Variants in DLG1 observed in about 807,000 individuals in gnomAD.
DLG1 encodes the protein discs large MAGUK scaffold protein 1.
A neutral mutation model predicts 123.4 loss-of-function variants in DLG1; 42 were observed. That is an observed-to-expected ratio of 0.34 (90% confidence interval 0.27 to 0.44). The LOEUF (loss-of-function observed/expected upper bound fraction) is 0.44, where lower values mean the gene tolerates loss of function less well. DLG1 is among the 20% of genes least tolerant of loss of function. The pLI is 1.00. For synonymous variants in DLG1, 317 were observed against 356.2 expected (o/e 0.89, Z 1.24); for missense variants, 942 against 1,082.6 (o/e 0.87, Z 1.82).
chr3:197,293,519 T>C (rs901587628), intron 3 of DLG1, among the ~76,000 whole-genome samples: 1 of 152,160 alleles, frequency 6.6e-6, no homozygotes, highest in Non-Finnish European at 1.5e-5. Context: ...AGTTGGTATT[T>C]TAGAACAAAT....
At position 197,136,552 on chromosome 3, in the gene DLG1, T is replaced by G. The variant is rs1287689935; in HGVS notation, c.1010A>C (p.Lys337Thr). 2 of 1,609,082 alleles carry G rather than the reference T, an allele frequency of 1.2e-6. No homozygotes were observed. The highest frequency in any genetic ancestry group is 2.7e-5 in the African/African-American group (2 of 74,648). The stretch of plus-strand genomic sequence containing the variant: ...ATTTCTTATACTTACTGCTAAAAGT[T>G]TATCTCCAATCTGAAGTTTGCCATC... ...HKDGKLQIGD[K>T]LLAVNNVCLE... Residue 337 changes from lysine to threonine, a missense_variant, in exon 10 of 25, where the codon AAA becomes ACA. Transcript: ENST00000667157.
At chr3:197,213,753 G>A (rs1732524721) in intron 4 of DLG1, among the ~76,000 whole-genome samples, 1 of 152,104 alleles carries the variant, frequency 6.6e-6, no homozygotes, top group African/African-American at 2.4e-5. Context: ...CTTGGATAAA[G>A]GCTCATTATT....
chr3:197,044,798 A>G lies in DLG1; in HGVS notation c.2576-69T>C. ...ATTTTTGCCATTACAATTATTGATG[A>G]AATAGTAGAAGCTAGTATCTTTGAA... On this transcript the variant is annotated intron_variant, in intron 24 of 24. Coordinates refer to ENST00000667157, the MANE Select transcript of DLG1 (RefSeq NM_001366207.1). The G allele has an allele frequency of 4.2e-6, 4 of 952,306 alleles. No homozygotes were observed. The South Asian group carries it at 5.4e-5, about 13-fold the overall frequency. 59.0% of individuals were successfully genotyped at this position (952,306 alleles called of 1,614,324 possible). A position where few individuals can be genotyped will look rare whatever the true frequency, so the allele number is the denominator to read the frequency against.
intron 16 of DLG1, chr3:197,085,241 G>A (rs1038101678): frequency 1.3e-5 from 3 of 231,388 alleles, no homozygotes; most frequent in South Asian, 1.1e-4. Flanking sequence ...ACTTAGGACC[G>A]ACCCTCTTAA....
chr3:197,258,426 G>C lies in DLG1; in HGVS notation c.318+24253C>G, dbSNP rs189447496. Among the ~76,000 whole-genome samples the C allele has an allele frequency of 4.8e-5, 7 of 147,318 alleles. No homozygotes were observed. The East Asian group carries it at 1.4e-3, about 30-fold the overall frequency. On this transcript the variant is annotated intron_variant, in intron 4 of 24. Coordinates refer to ENST00000667157, the MANE Select transcript of DLG1 (RefSeq NM_001366207.1). ...TTCATTGTGAAGAACATATAGTTAT[G>C]GGGGGGCGGGGGGGAACAACCAAAA...
At chr3:197,263,807 AAAAG>A (rs1214883138) in intron 4 of DLG1, among the ~76,000 whole-genome samples, 1 of 152,130 alleles carries the variant, frequency 6.6e-6, no homozygotes, top group African/African-American at 2.4e-5. Context: ...GAAAAAAAAG[AAAAG>A]AAATGTCTCA....
At chr3:197,281,089 G>A (rs770524880) in intron 4 of DLG1, among the ~76,000 whole-genome samples, 1 of 150,818 alleles carries the variant, frequency 6.6e-6, no homozygotes, top group Non-Finnish European at 1.5e-5. Context: ...CCAGACTGGA[G>A]TGCAGTGATG....
chr3:197,142,608 T>C, intron 7 of DLG1, 110 bp downstream of exon 7: 1 of 756,940 alleles, frequency 1.3e-6, no homozygotes, highest in Admixed American at 3.8e-5. Context: ...ACTGGGAACT[T>C]AGAAAATATC....
intron 18 of DLG1, chr3:197,075,744 A>G (rs1746816550): frequency 9.0e-7 from 1 of 1,110,764 alleles, no homozygotes; most frequent in Non-Finnish European, 1.3e-6. Context: ...CTTATGCCAG[A>G]AAGGCACTAC....
chr3:197,154,757 T>C (rs535481900), intron 5 of DLG1, among the ~76,000 whole-genome samples: 3 of 151,326 alleles, frequency 2.0e-5, no homozygotes, highest in Admixed American at 6.6e-5. Context: ...TGAAGAGAAA[T>C]AAAAATTATA....
At chr3:197,133,328 T>A (rs1424650499) in intron 10 of DLG1, among the ~76,000 whole-genome samples, 1 of 152,156 alleles carries the variant, frequency 6.6e-6, no homozygotes, top group Non-Finnish European at 1.5e-5. Context: ...TGGCTAACAG[T>A]CCCAGCTGAG....
chr3:197,174,723 T>C (rs1184679957), intron 5 of DLG1, among the ~76,000 whole-genome samples: 1 of 152,226 alleles, frequency 6.6e-6, no homozygotes, highest in Non-Finnish European at 1.5e-5. Flanking sequence ...CAGATTTATA[T>C]ACAGATAAAT....
chr3:197,274,116 T>C (rs1451158461), intron 4 of DLG1, among the ~76,000 whole-genome samples: 2 of 152,154 alleles, frequency 1.3e-5, no homozygotes, highest in Non-Finnish European at 2.9e-5. Flanking sequence ...CTAAAATTCA[T>C]ATACAATCAT....
At chr3:197,176,304 G>A (rs1165069891) in intron 5 of DLG1, among the ~76,000 whole-genome samples, 1 of 152,010 alleles carries the variant, frequency 6.6e-6, no homozygotes, top group Non-Finnish European at 1.5e-5. Context: ...TACAATCAAT[G>A]AGCCCACACT....
intron 24 of DLG1, among the ~76,000 whole-genome samples, chr3:197,047,119 A>T (rs1289356091): frequency 6.6e-6 from 1 of 152,210 alleles, no homozygotes; most frequent in African/African-American, 2.4e-5. Flanking sequence ...AAGAGATTAG[A>T]AGAATAGTGA....
At chr3:197,079,272 T>C (rs1459373574) in intron 17 of DLG1, among the ~76,000 whole-genome samples, 1 of 152,198 alleles carries the variant, frequency 6.6e-6, no homozygotes, top group African/African-American at 2.4e-5. Context: ...TTTCCACATG[T>C]ATTTCAAAAT....
Position 197,152,738 on chromosome 3 carries a change from G to A in DLG1, c.484-2942C>T, listed in dbSNP as rs1439536115. Among the ~76,000 whole-genome samples, 4 of 138,192 alleles carry A rather than the reference G, an allele frequency of 2.9e-5. No individual in the cohort carries two copies. In the South Asian group the frequency reaches 9.1e-4, roughly 31 times the overall value. 90.7% of individuals were successfully genotyped at this position (138,192 alleles called of 152,430 possible). A position where few individuals can be genotyped will look rare whatever the true frequency, so the allele number is the denominator to read the frequency against. On this transcript the variant is annotated intron_variant, in intron 5 of 24. Transcript: ENST00000667157. ...AGACAGCACCACTGCACTCCAGCCT[G>A]GGCAACAGAGCGAGACTCTGTCTCA...
intron 6 of DLG1, among the ~76,000 whole-genome samples, chr3:197,143,270 TGAGA>T: frequency 6.7e-6 from 1 of 150,338 alleles, no homozygotes; most frequent in African/African-American, 2.5e-5. Context: ...TTTGTTTTTT[TGAGA>T]TGGAGTCTCG....
intron 5 of DLG1, among the ~76,000 whole-genome samples, chr3:197,155,857 G>A (rs1242840793): frequency 6.6e-6 from 1 of 152,154 alleles, no homozygotes; most frequent in South Asian, 2.1e-4. Context: ...ACTGAGGCGG[G>A]AGAATCGATT....
Sources: gnomAD v4.1 joint callset for allele counts (sites outside exome capture counted in the v4.1 genomes callset) on GRCh38, gnomAD v4.1.1 for gene constraint, MANE v1.5 for transcripts, NCBI Gene and HGNC (gene_info 2026-07-23, HGNC 2026-07-21) for gene names.